Variants in HMGXB3 observed in about 807,000 individuals in gnomAD.
HMGXB3 encodes the protein HMG domain-containing protein 3.
A neutral mutation model predicts 121.5 loss-of-function variants in HMGXB3; 45 were observed. The ratio of observed to expected loss-of-function variants is 0.37; its 90% confidence interval spans 0.29 to 0.47. The LOEUF (loss-of-function observed/expected upper bound fraction) is 0.47, where lower values mean the gene tolerates loss of function less well. Ranked by LOEUF, HMGXB3 falls within the 20% of genes least tolerant of loss-of-function variation. The pLI, the probability that HMGXB3 is intolerant of heterozygous loss-of-function variation, is 0.99. For synonymous variants in HMGXB3, 590 were observed against 624.1 expected (o/e 0.95, Z 0.81); for missense variants, 1,376 against 1,602.2 (o/e 0.86, Z 2.41).
chr5:150,041,345 G>A (rs1412454583), intron 14 of HMGXB3, among the ~76,000 whole-genome samples: 2 of 152,170 alleles, frequency 1.3e-5, no homozygotes, highest in East Asian at 1.9e-4. Flanking sequence ...TACCTTACCT[G>A]CTGTGAGAAC....
In HMGXB3 at chr5:150,036,931, G is replaced by A. The variant is rs61733365; in HGVS notation, c.2279G>A (p.Gly760Glu). Residue 760 changes from glycine to glutamate, a missense_variant, in exon 12 of 20, where the codon GGA (glycine) becomes GAA (glutamate). Around this residue, in one of 2 missense-constraint regions of HMGXB3, gnomAD observed 1,116 missense variants for 1,369.0 expected, o/e 0.82. Coordinates refer to ENST00000502717, the MANE Select transcript of HMGXB3 (RefSeq NM_014983.3). Reference protein sequence around the residue: ...LLCSSPLFKGGQNSLAGPQEC... With the variant: ...LLCSSPLFKGEQNSLAGPQEC... ...TGTAGCAGCCCATTATTCAAAGGGG[G>A]ACAAAAGTAAGCACCCCTTAACTCT... 1.2e-3 allele frequency: 1,828 copies of A among 1,549,902 alleles called. 21 individuals carry two copies. The African/African-American group carries it at 0.022, about 19-fold the overall frequency.
intron 5 of HMGXB3, 71 bp downstream of exon 5, chr5:150,012,424 C>G: frequency 9.4e-7 from 1 of 1,068,202 alleles, no homozygotes; most frequent in Non-Finnish European, 1.4e-6. Flanking sequence ...GTAGATTTGT[C>G]TTTTTTTCTT....
chr5:150,017,742 T>TA, intron 5 of HMGXB3, among the ~76,000 whole-genome samples: 1 of 152,312 alleles, frequency 6.6e-6, no homozygotes, highest in Non-Finnish European at 1.5e-5. Flanking sequence ...AATAGCTGAG[T>TA]AAACATTCAT....
At chr5:150,004,804 C>G (rs1468749237) in intron 1 of HMGXB3, 47 bp from the exon 2 acceptor site, 3 of 1,370,978 alleles carry the variant, frequency 2.2e-6, no homozygotes, top group African/African-American at 1.5e-5. Flanking sequence ...TGCTGCCCCT[C>G]TTAGGGGAGA....
At position 150,010,191 on chromosome 5, in the gene HMGXB3, C is replaced by T; in HGVS notation, c.393C>T (p.Ile131=). 6.4e-7 allele frequency: 1 copy of T among 1,551,858 alleles called. No homozygotes were observed. Among genetic ancestry groups the T allele is most frequent in the Admixed American group, 2.0e-5 (1 of 51,006 alleles). The change falls in exon 4 of 20, where the codon ATC becomes ATT. Residue 131 remains isoleucine, a synonymous_variant. Coordinates refer to ENST00000502717, the MANE Select transcript of HMGXB3 (RefSeq NM_014983.3). ...FRKILPRSDY[I]IIPKSSLQED... ...AGATCCTCCCACGCTCAGATTATAT[C>T]ATCATCCCCAAGAGCAGCCTGCAGG...
intron 11 of HMGXB3, among the ~76,000 whole-genome samples, chr5:150,035,534 AAT>A (rs1756482096): frequency 6.6e-6 from 1 of 152,200 alleles, no homozygotes; most frequent in African/African-American, 2.4e-5. Flanking sequence ...AGCCATGTAT[AAT>A]ATGTCCATCA....
intron 16 of HMGXB3, 35 bp from the exon 17 acceptor site, chr5:150,047,589 C>T: frequency 6.5e-7 from 1 of 1,550,290 alleles, no homozygotes; most frequent in Non-Finnish European, 8.7e-7. Context: ...TGACTGGCGG[C>T]AGCACCCTCC....
intron 6 of HMGXB3, among the ~76,000 whole-genome samples, chr5:150,022,836 T>TC (rs1230550101): frequency 4.0e-5 from 6 of 148,212 alleles, no homozygotes; most frequent in African/African-American, 1.0e-4. Context: ...TTTTTTTTTT[T>TC]CCAGACAGGG....
chr5:150,019,945 C>A (rs776666940), intron 6 of HMGXB3, among the ~76,000 whole-genome samples: 17 of 152,274 alleles, frequency 1.1e-4, no homozygotes, highest in Non-Finnish European at 2.1e-4. Context: ...TAATTAAGAA[C>A]ACAATTCTGG....
At chr5:150,010,652 A>G (rs1238395204) in intron 4 of HMGXB3, 44 bp downstream of exon 4, 6 of 1,515,070 alleles carry the variant, frequency 4.0e-6, no homozygotes, top group African/African-American at 1.4e-5. Flanking sequence ...GTCTGGAGTT[A>G]CTTAAAGGGC....
intron 11 of HMGXB3, among the ~76,000 whole-genome samples, chr5:150,033,747 A>G (rs1450186585): frequency 1.3e-5 from 2 of 152,082 alleles, no homozygotes; most frequent in Non-Finnish European, 2.9e-5. Context: ...TTGGGAGTAG[A>G]CAGGACTACA....
At chr5:150,003,643 T>C (rs1266133729) in intron 1 of HMGXB3, among the ~76,000 whole-genome samples, 4 of 151,716 alleles carry the variant, frequency 2.6e-5, no homozygotes, top group Admixed American at 6.6e-5. Flanking sequence ...CATTTTTTTT[T>C]CTGCCAATTA....
intron 18 of HMGXB3, among the ~76,000 whole-genome samples, chr5:150,049,656 T>G (rs983802464): frequency 1.1e-4 from 17 of 152,012 alleles, no homozygotes; most frequent in African/African-American, 3.9e-4. Context: ...CGGGGAGAGC[T>G]GTAGATCTTG....
chr5:150,050,364 C>T lies in HMGXB3; in HGVS notation c.3314C>T (p.Ser1105Leu). 1 of 1,551,560 alleles carries T rather than the reference C, an allele frequency of 6.4e-7. No individual in the cohort carries two copies. The highest frequency in any genetic ancestry group is 8.7e-7 in the Non-Finnish European group (1 of 1,146,776). Residue 1105 changes from serine (S) to leucine (L), a missense_variant, in exon 19 of 20, where the codon TCA (serine) becomes TTA (leucine). Around this residue, in one of 2 missense-constraint regions of HMGXB3, gnomAD observed 1,116 missense variants for 1,369.0 expected, o/e 0.82. Transcript: ENST00000502717. ...PPVYVVDMAT[S>L]VALCADLCYP... ...GTCTATGTGGTAGATATGGCCACGT[C>T]AGTGGCCCTGTGTGCTGACCTCTGC...
Position 150,052,382 on chromosome 5 carries a change from G to C in HMGXB3, c.*190G>C. ...GGGTCCTCAGTTCTCAACCCTCCAG[G>C]GGTCAGGAGTGGTACCAGGAAACCT... On this transcript the variant is annotated 3_prime_UTR_variant, in exon 20 of 20. Transcript: ENST00000502717. The C allele has an allele frequency of 1.7e-6, 1 of 587,796 alleles. No individual in the cohort carries two copies. Among genetic ancestry groups the C allele is most frequent in the South Asian group, 2.2e-5 (1 of 45,260 alleles). 36.4% of individuals were successfully genotyped at this position (587,796 alleles called of 1,614,324 possible).
intron 13 of HMGXB3, among the ~76,000 whole-genome samples, chr5:150,039,370 CT>C (rs200245782): frequency 1.3e-5 from 2 of 148,460 alleles, no homozygotes; most frequent in African/African-American, 2.5e-5. Flanking sequence ...AAGTATTTTA[CT>C]TTTTTTTTTC....
intron 5 of HMGXB3, chr5:150,015,008 A>G (rs1755927654): frequency 1.5e-6 from 1 of 663,910 alleles, no homozygotes; most frequent in Non-Finnish European, 2.3e-6. Context: ...GCGAATACCA[A>G]ACCACCAATG....
intron 9 of HMGXB3, 142 bp downstream of exon 9, chr5:150,027,259 GT>G: frequency 1.8e-6 from 1 of 563,906 alleles, no homozygotes. Context: ...TGATTTATCT[GT>G]TTTTTAAGTA....
intron 15 of HMGXB3, among the ~76,000 whole-genome samples, chr5:150,045,216 G>T (rs1431288888): frequency 1.3e-5 from 2 of 152,158 alleles, no homozygotes; most frequent in Non-Finnish European, 2.9e-5. Context: ...CATAAACAAA[G>T]GTATAGAAAC....
Sources: allele counts gnomAD v4.1 joint callset (sites outside exome capture counted in the v4.1 genomes callset), GRCh38; gene constraint gnomAD v4.1.1; regional missense constraint gnomAD v4.1.1; transcripts MANE v1.5; gene names NCBI Gene and HGNC (gene_info 2026-07-23, HGNC 2026-07-21).